Variants in ZRANB3 observed in about 807,000 individuals in gnomAD.
ZRANB3 encodes the protein DNA annealing helicase and endonuclease ZRANB3.
Under a neutral mutation model 133.8 loss-of-function variants are expected in ZRANB3, and 125 were observed. The observed-to-expected ratio is 0.93, with a 90% CI of 0.81 to 1.08. The LOEUF (loss-of-function observed/expected upper bound fraction) is 1.08. Ranked by LOEUF, ZRANB3 falls within the 50% of genes least tolerant of loss-of-function variation. The pLI, the probability that ZRANB3 is intolerant of heterozygous loss-of-function variation, is 0.00. For missense variants in ZRANB3, 1,229 were observed against 1,275.5 expected, an observed-to-expected ratio of 0.96 and a Z score of 0.56; for synonymous variants, 387 against 432.7, an observed-to-expected ratio of 0.89 and a Z score of 1.31.
chr2:135,460,083 G>C (rs541583961), intron 2 of ZRANB3, among the ~76,000 whole-genome samples: 162 of 152,190 alleles, frequency 1.1e-3, no homozygotes, highest in African/African-American at 3.7e-3. Context: ...GCAGGGGTAG[G>C]GGGTGTGGAA....
At chr2:135,365,968 G>T (rs1020488087) in intron 3 of ZRANB3, among the ~76,000 whole-genome samples, 2 of 152,076 alleles carry the variant, frequency 1.3e-5, no homozygotes, top group Admixed American at 6.6e-5. Context: ...AATAAATAAA[G>T]ACACCACTTA....
At chr2:135,265,459 T>G (rs556605850) in intron 12 of ZRANB3, 75 bp downstream of exon 12, 1 of 1,422,010 alleles carries the variant, frequency 7.0e-7, no homozygotes, top group Admixed American at 2.7e-5. Context: ...AGAGTTGCTA[T>G]TTAAAACCAT....
intron 3 of ZRANB3, among the ~76,000 whole-genome samples, chr2:135,356,666 C>G (rs1335309825): frequency 6.6e-6 from 1 of 152,088 alleles, no homozygotes; most frequent in Non-Finnish European, 1.5e-5. Flanking sequence ...CCATTAGAAT[C>G]TGTTTTTGTT....
At chr2:135,366,213 G>A (rs1237099254) in intron 3 of ZRANB3, among the ~76,000 whole-genome samples, 1 of 149,052 alleles carries the variant, frequency 6.7e-6, no homozygotes, top group Non-Finnish European at 1.5e-5. Context: ...AACAATGATG[G>A]AGATTCCCTA....
Position 135,425,400 on chromosome 2 carries a change from G to C in ZRANB3, c.162-34580C>G, listed in dbSNP as rs114623547. 2.9e-3 allele frequency among the ~76,000 whole-genome samples: 449 copies of C among 152,234 alleles called. 2 individuals are homozygous for C. The highest frequency in any genetic ancestry group is 0.01 in the African/African-American group (425 of 41,560). Reference sequence around the variant, plus strand: ...GATTTACCCAAGTAGAAGTTAGTTTGGGTTTAATTAATAATAAAAAACATA... The same window carrying C: ...GATTTACCCAAGTAGAAGTTAGTTTCGGTTTAATTAATAATAAAAAACATA... On this transcript the variant is annotated intron_variant, in intron 2 of 20. Coordinates refer to ENST00000264159, the MANE Select transcript of ZRANB3 (RefSeq NM_032143.4).
chr2:135,202,871 C>T lies in ZRANB3; in HGVS notation c.3102G>A (p.Leu1034=), dbSNP rs753482802. Residue 1034 remains leucine (L), a synonymous_variant, in exon 20 of 21, where the codon CTG becomes CTA. Transcript: ENST00000264159. ...CTGTGCAGAGAGTCTGCAGGTTGTCCAGGGAACACTGTCCTCCTCCCCCAT... is the reference window on the plus strand; with the variant it reads ...CTGTGCAGAGAGTCTGCAGGTTGTCTAGGGAACACTGTCCTCCTCCCCCAT... ...PVYGGGGQCS[L]DNLQTLCTVC... 1.2e-6 allele frequency: 2 copies of T among 1,610,518 alleles called. No homozygotes were observed. The highest frequency in any genetic ancestry group is 2.7e-5 in the African/African-American group (2 of 74,880).
intron 6 of ZRANB3, among the ~76,000 whole-genome samples, chr2:135,317,391 G>T (rs1209222084): frequency 6.6e-6 from 1 of 152,120 alleles, no homozygotes; most frequent in Non-Finnish European, 1.5e-5. Flanking sequence ...GGAAGAAGTT[G>T]GTAGGTGGTG....
intron 2 of ZRANB3, among the ~76,000 whole-genome samples, chr2:135,416,325 C>G (rs867999095): frequency 0.015 from 2,349 of 151,978 alleles, 44 homozygotes; most frequent in African/African-American, 0.044. Context: ...CAGACAAACA[C>G]AGAGCCAAAT....
rs559216035 is a variant in ZRANB3, at chr2:135,401,522, T to A, written c.162-10702A>T. ...CTGTGGTGAACTAAACCTCTCCTTT[T>A]CCAATCTCTTTTTCAACTAGCTGTG... On this transcript the variant is annotated intron_variant, in intron 2 of 20. Transcript: ENST00000264159. Among the ~76,000 whole-genome samples, 4 of 152,322 alleles carry A rather than the reference T, an allele frequency of 2.6e-5. No homozygotes were observed. In the East Asian group the frequency reaches 7.7e-4, roughly 29 times the overall value.
chr2:135,470,744 C>T lies in ZRANB3; in HGVS notation c.161+33585G>A, dbSNP rs1691222472. Among the ~76,000 whole-genome samples the T allele has an allele frequency of 2.6e-5, 4 of 151,522 alleles. No homozygotes were observed. In the South Asian group the frequency reaches 8.3e-4, roughly 32 times the overall value. ...ACGGAGAAGTTAATTACTTCAAATA[C>T]GGAGTCAAGCTTTTTCATCCTACAG... is the stretch of plus-strand genomic sequence containing the variant. On this transcript the variant is annotated intron_variant, in intron 2 of 20. Coordinates refer to ENST00000264159, the MANE Select transcript of ZRANB3 (RefSeq NM_032143.4).
chr2:135,390,827 A>G lies in ZRANB3; in HGVS notation c.162-7T>C, dbSNP rs1318459485. ...TTCATCAGCCACCATACACCTGGAA[A>G]AAAAAAAAAAAAAAAATTAATTATC... On this transcript the variant is annotated splice_region_variant and splice_polypyrimidine_tract_variant and intron_variant, in intron 2 of 20. Transcript: ENST00000264159. The G allele has an allele frequency of 3.2e-6, 4 of 1,246,616 alleles. No individual in the cohort carries two copies. The South Asian group carries it at 5.2e-5, about 16-fold the overall frequency. The allele number at this position is 1,246,616 out of a possible 1,614,324, so 77.2% of individuals were successfully genotyped here.
At chr2:135,423,099 C>G (rs537084073) in intron 2 of ZRANB3, among the ~76,000 whole-genome samples, 1 of 152,178 alleles carries the variant, frequency 6.6e-6, no homozygotes, top group African/African-American at 2.4e-5. Flanking sequence ...CTCTGCCATT[C>G]TGCTTACACA....
In ZRANB3 at chr2:135,261,515, C is replaced by T. The variant is rs77827284; in HGVS notation, c.1539+4019G>A. Among the ~76,000 whole-genome samples, 280 of 152,250 alleles carry T rather than the reference C, an allele frequency of 1.8e-3. 7 individuals are homozygous for T. The South Asian group carries it at 0.033, about 18-fold the overall frequency. On this transcript the variant is annotated intron_variant, in intron 12 of 20. Coordinates refer to ENST00000264159, the MANE Select transcript of ZRANB3 (RefSeq NM_032143.4). ...TAAGATTCCAATTTACATCAAACTG[C>T]GTCTGTATAAAGACAAGTATTGGAA...
intron 2 of ZRANB3, among the ~76,000 whole-genome samples, chr2:135,415,909 C>G (rs532291980): frequency 1.4e-4 from 22 of 151,954 alleles, no homozygotes; most frequent in South Asian, 6.2e-4. Context: ...ATTCAACAAC[C>G]CTTCATGCTA....
chr2:135,206,056 T>C (rs1036956925), intron 19 of ZRANB3, among the ~76,000 whole-genome samples: 1 of 152,134 alleles, frequency 6.6e-6, no homozygotes, highest in Admixed American at 6.6e-5. Context: ...AAACAATACC[T>C]TGCAGATACA....
At chr2:135,285,120 C>G (rs1289806506) in intron 8 of ZRANB3, among the ~76,000 whole-genome samples, 1 of 152,328 alleles carries the variant, frequency 6.6e-6, no homozygotes, top group Non-Finnish European at 1.5e-5. Flanking sequence ...GCTGGGATTA[C>G]AGGCATGAGC....
chr2:135,474,448 G>T (rs889965045), intron 2 of ZRANB3, among the ~76,000 whole-genome samples: 11 of 152,028 alleles, frequency 7.2e-5, no homozygotes, highest in African/African-American at 2.7e-4. Flanking sequence ...TGGCTCATGG[G>T]GGTGTGGTGC....
At chr2:135,514,711 T>C (rs1464877536) in intron 1 of ZRANB3, among the ~76,000 whole-genome samples, 1 of 152,232 alleles carries the variant, frequency 6.6e-6, no homozygotes, top group African/African-American at 2.4e-5. Context: ...CATCCTTGTG[T>C]GCCAGCTTTC....
chr2:135,505,301 C>A (rs763975175), intron 1 of ZRANB3, among the ~76,000 whole-genome samples: 1 of 152,040 alleles, frequency 6.6e-6, no homozygotes, highest in East Asian at 1.9e-4. Context: ...GCGGGCCAGG[C>A]GCGGTGGCTC....
Sources: allele counts gnomAD v4.1 joint callset (sites outside exome capture counted in the v4.1 genomes callset), GRCh38; gene constraint gnomAD v4.1.1; transcripts MANE v1.5; gene names NCBI Gene and HGNC (gene_info 2026-07-23, HGNC 2026-07-21).